The following NHSL1 variants were observed in gnomAD, a reference collection of about 807,000 sequenced individuals.
NHSL1 encodes NHS-like protein 1.
NHSL1 carries 48 observed loss-of-function variants against 95.0 expected under a neutral mutation model. That is an observed-to-expected ratio of 0.51 (90% CI 0.40 to 0.64). The LOEUF (loss-of-function observed/expected upper bound fraction) is 0.64. NHSL1 is among the 30% of genes least tolerant of loss of function. The pLI, the probability that NHSL1 is intolerant of heterozygous loss-of-function variation, is 0.00. For synonymous variants in NHSL1, 783 were observed against 833.9 expected (o/e 0.94, Z 1.05); for missense variants, 1,971 against 2,077.7 (o/e 0.95, Z 1.00).
intron 3 of NHSL1, among the ~76,000 whole-genome samples, chr6:138,458,836 A>AAAAAC (rs1777803459): frequency 6.6e-6 from 1 of 151,518 alleles, no homozygotes. Context: ...CTCAAAAAAA[A>AAAAAC]AAAAACAAAA....
intron 1 of NHSL1, among the ~76,000 whole-genome samples, chr6:138,659,710 GT>G (rs368156862): frequency 1.3e-4 from 17 of 127,266 alleles, no homozygotes; most frequent in South Asian, 7.8e-4. Flanking sequence ...TTCCTACCAC[GT>G]TTTTTTTTTG....
intron 2 of NHSL1, among the ~76,000 whole-genome samples, chr6:138,483,635 C>T (rs1298173772): frequency 1.3e-5 from 2 of 152,202 alleles, no homozygotes; most frequent in African/African-American, 4.8e-5. Flanking sequence ...CCTACATTGA[C>T]ACCCCTGTCT....
rs1310588390 is a variant in NHSL1, at chr6:138,422,736, GAAGT to G, written c.*1341_*1344del. 1.6e-4 allele frequency: 25 copies of G among 152,184 alleles called. No homozygotes were observed. The highest frequency in any genetic ancestry group is 5.8e-4 in the African/African-American group (24 of 41,450). 9.4% of individuals were successfully genotyped at this position (152,184 alleles called of 1,614,324 possible). On this transcript the variant is annotated 3_prime_UTR_variant, in exon 8 of 8. Coordinates refer to ENST00000343505, the MANE Select transcript of NHSL1 (RefSeq NM_001144060.2). ...TTGAAAATCTGATTGGAGAAGATTA[GAAGT>G]AATTAGCAACTCAATTATTTATAAA...
intron 1 of NHSL1, among the ~76,000 whole-genome samples, chr6:138,630,288 C>T (rs938849624): frequency 2.0e-5 from 3 of 151,972 alleles, no homozygotes; most frequent in African/African-American, 7.3e-5. Flanking sequence ...TTCAAAACCA[C>T]CTTTGAATGA....
At chr6:138,537,900 C>T (rs192744042) in intron 1 of NHSL1, among the ~76,000 whole-genome samples, 4 of 152,160 alleles carry the variant, frequency 2.6e-5, no homozygotes, top group Admixed American at 1.3e-4. Context: ...AGATCCAGGC[C>T]GGCGAGAAGT....
chr6:138,677,557 C>A (rs1342804370), intron 1 of NHSL1, among the ~76,000 whole-genome samples: 1 of 152,116 alleles, frequency 6.6e-6, no homozygotes, highest in African/African-American at 2.4e-5. Context: ...GATAATGAAG[C>A]GTTAGTTCTT....
intron 5 of NHSL1, among the ~76,000 whole-genome samples, chr6:138,437,558 G>A (rs1028371265): frequency 4.6e-5 from 7 of 151,064 alleles, no homozygotes; most frequent in Admixed American, 4.6e-4. Context: ...ATGGCTTAAA[G>A]AGTAATTTTG....
At chr6:138,633,375 A>T (rs1044818799) in intron 1 of NHSL1, among the ~76,000 whole-genome samples, 1 of 152,232 alleles carries the variant, frequency 6.6e-6, no homozygotes, top group African/African-American at 2.4e-5. Flanking sequence ...GTTTAACCCA[A>T]AAAGACCACC....
chr6:138,624,323 G>C (rs1296992110), intron 1 of NHSL1, among the ~76,000 whole-genome samples: 1 of 152,044 alleles, frequency 6.6e-6, no homozygotes. Context: ...ATGTGTCATG[G>C]ACCACATTTT....
intron 1 of NHSL1, among the ~76,000 whole-genome samples, chr6:138,666,055 G>A (rs1785290010): frequency 6.6e-6 from 1 of 152,228 alleles, no homozygotes; most frequent in South Asian, 2.1e-4. Context: ...TGCAATCCCA[G>A]CACTTTGGGA....
chr6:138,475,149 C>CAA (rs71009587), intron 2 of NHSL1, among the ~76,000 whole-genome samples: 33 of 100,672 alleles, frequency 3.3e-4, no homozygotes, highest in Admixed American at 5.4e-4. Context: ...AACTCGGTCT[C>CAA]AAAAAAAAAA....
At chr6:138,645,569 G>A (rs1240305799) in intron 1 of NHSL1, among the ~76,000 whole-genome samples, 1 of 149,044 alleles carries the variant, frequency 6.7e-6, no homozygotes, top group Non-Finnish European at 1.5e-5. Context: ...GTGCAGCAGT[G>A]TGATCTCAGC....
chr6:138,442,240 T>C, intron 4 of NHSL1, 126 bp from the exon 5 acceptor site: 1 of 970,690 alleles, frequency 1.0e-6, no homozygotes, highest in Non-Finnish European at 1.4e-6. Flanking sequence ...AGTCATATGA[T>C]GATGAATGCT....
rs56282372 is a variant in NHSL1, at chr6:138,652,426, G to A, written c.96+40050C>T. On this transcript the variant is annotated intron_variant, in intron 1 of 3. Coordinates refer to the NHSL1 transcript ENST00000491526. Reference sequence around the variant, plus strand: ...TTACACTCCAGCCTGGGCAACAAGAGTGAAACTCTATCTCAAAAAAAAAAA... The same window carrying A: ...TTACACTCCAGCCTGGGCAACAAGAATGAAACTCTATCTCAAAAAAAAAAA... 7.2e-3 allele frequency among the ~76,000 whole-genome samples: 1,038 copies of A among 144,836 alleles called. 9 individuals carry two copies. The highest frequency in any genetic ancestry group is 0.023 in the African/African-American group (901 of 38,870).
chr6:138,629,921 G>A, intron 1 of NHSL1, among the ~76,000 whole-genome samples: 1 of 152,058 alleles, frequency 6.6e-6, no homozygotes, highest in East Asian at 1.9e-4. Flanking sequence ...GATTTTTTTA[G>A]TAGTACACAA....
chr6:138,692,177 C>G lies in NHSL1; in HGVS notation c.96+299G>C, dbSNP rs1170953711. 1 of 456,738 alleles carries G rather than the reference C, an allele frequency of 2.2e-6. No individual in the cohort carries two copies. Among genetic ancestry groups the G allele is most frequent in the East Asian group, 7.0e-5 (1 of 14,382 alleles). The allele number at this position is 456,738 out of a possible 1,614,324, so 28.3% of individuals were successfully genotyped here. On this transcript the variant is annotated intron_variant, in intron 1 of 3. Coordinates refer to the NHSL1 transcript ENST00000491526. This position sits in a 1 kb window ranked among gnomAD's most constrained non-coding sequence, Gnocchi z 4.0. Reference sequence around the variant, plus strand: ...CTGTCTACAGCGCCCCGGGGTCTCCCAAACAGACAGACACAGACAGACAGA... The same window carrying G: ...CTGTCTACAGCGCCCCGGGGTCTCCGAAACAGACAGACACAGACAGACAGA...
At chr6:138,632,531 C>G (rs950457938) in intron 1 of NHSL1, among the ~76,000 whole-genome samples, 3 of 152,138 alleles carry the variant, frequency 2.0e-5, no homozygotes, top group African/African-American at 2.4e-5. Context: ...AAAGAGGAAC[C>G]TTTTTTGGGA....
At chr6:138,567,210 C>T (rs371039472) in intron 1 of NHSL1, among the ~76,000 whole-genome samples, 4 of 150,868 alleles carry the variant, frequency 2.7e-5, no homozygotes, top group Admixed American at 2.0e-4. Context: ...TCACTGCAGA[C>T]TCGACCTCCC....
intron 1 of NHSL1, among the ~76,000 whole-genome samples, chr6:138,603,529 A>G (rs1554255865): frequency 6.6e-6 from 1 of 152,222 alleles, no homozygotes; most frequent in Non-Finnish European, 1.5e-5. Context: ...AGGCTGCTAG[A>G]TCCCATACTA....
Sources: allele counts gnomAD v4.1 joint callset (sites outside exome capture counted in the v4.1 genomes callset), GRCh38; gene constraint gnomAD v4.1.1; non-coding constraint Gnocchi (gnomAD v3.1); transcripts MANE v1.5; gene names NCBI Gene and HGNC (gene_info 2026-07-23, HGNC 2026-07-21).